SHANK2: variants seen among roughly 807,000 people sequenced by gnomAD.
SHANK2 encodes SH3 and multiple ankyrin repeat domains 2.
In SHANK2, 43 loss-of-function variants were observed where a neutral mutation model predicts 133.7. The observed-to-expected ratio is 0.32, with a 90% CI of 0.25 to 0.41. The LOEUF is 0.41. Among genes scored for constraint, SHANK2 ranks in the 10% least tolerant of loss-of-function variants. SHANK2 has a pLI of 1.00. For missense variants in SHANK2, 1,994 were observed against 2,235.8 expected, an observed-to-expected ratio of 0.89 and a Z score of 2.18; for synonymous variants, 1,017 against 952.8, an observed-to-expected ratio of 1.07 and a Z score of -1.24.
At chr11:70,821,061 T>C (rs1401612715) in intron 11 of SHANK2, among the ~76,000 whole-genome samples, 4 of 152,162 alleles carry the variant, frequency 2.6e-5, no homozygotes, top group Non-Finnish European at 5.9e-5. Flanking sequence ...TGCCGCAAGA[T>C]GCCTCCTCCC....
Position 70,485,414 on chromosome 11 carries a change from A to G in SHANK2, c.4879T>C (p.Leu1627=), listed in dbSNP as rs1555152759. 3 of 1,613,934 alleles carry G rather than the reference A, an allele frequency of 1.9e-6. No individual in the cohort carries two copies. The highest frequency in any genetic ancestry group is 1.7e-5 in the Admixed American group (1 of 60,020). Residue 1627 remains leucine (L), a synonymous_variant, in exon 25 of 26, where the codon TTG becomes CTG. Coordinates refer to ENST00000601538, the MANE Select transcript of SHANK2 (RefSeq NM_012309.5). The surrounding 1 kb of genome is among the most constrained non-coding windows in gnomAD (Gnocchi z 5.8). The part of the protein sequence containing the change: ...SGPKANVISE[L]NSILQQMNRE... ...TTCATTTGCTGTAGGATAGAGTTCA[A>G]TTCACTAATAACGTTTGCCTTTGGG...
At chr11:70,707,893 C>T (rs1945700167) in intron 14 of SHANK2, among the ~76,000 whole-genome samples, 1 of 152,194 alleles carries the variant, frequency 6.6e-6, no homozygotes, top group Non-Finnish European at 1.5e-5. Flanking sequence ...GCCCCAGTTA[C>T]AGAGGGCTGG....
chr11:70,670,498 T>C (rs1394290084), intron 15 of SHANK2, among the ~76,000 whole-genome samples: 2 of 152,176 alleles, frequency 1.3e-5, no homozygotes, highest in African/African-American at 4.8e-5. Flanking sequence ...CAGAGCTGGC[T>C]GCAGGGCAGC....
At chr11:70,938,581 G>A (rs1275876475) in intron 10 of SHANK2, among the ~76,000 whole-genome samples, 2 of 152,178 alleles carry the variant, frequency 1.3e-5, no homozygotes, top group East Asian at 3.9e-4. Flanking sequence ...CCACCTGTAC[G>A]GGTCAATCCT....
Position 70,492,436 on chromosome 11 carries a change from T to G in SHANK2, c.2338A>C (p.Lys780Gln), listed in dbSNP as rs55968949. 2,236 of 1,614,018 alleles carry G rather than the reference T, an allele frequency of 1.4e-3. 2 individuals carry two copies. The highest frequency in any genetic ancestry group is 1.8e-3 in the Non-Finnish European group (2,089 of 1,180,042). ...ATGTTCTCAGCAGCGCGGGAGGGCTTGGAGGCCGGGACTATCTCCTCGGGT... is the reference window on the plus strand; with the variant it reads ...ATGTTCTCAGCAGCGCGGGAGGGCTGGGAGGCCGGGACTATCTCCTCGGGT... ...DKPEEIVPAS[K>Q]PSRAAENMAV... Residue 780 changes from lysine (K) to glutamine (Q), a missense_variant, in exon 22 of 26, where the codon AAG becomes CAG. Lys to Gln is a moderately conservative substitution (Grantham distance 53, BLOSUM62 1). Transcript: ENST00000601538.
intron 9 of SHANK2, among the ~76,000 whole-genome samples, chr11:71,069,351 GCCA>G (rs1258474151): frequency 8.8e-5 from 13 of 148,164 alleles, no homozygotes; most frequent in East Asian, 2.0e-4. Flanking sequence ...CTTCATCATT[GCCA>G]CCACCACCAT....
At chr11:70,651,177 C>G (rs983709517) in intron 17 of SHANK2, among the ~76,000 whole-genome samples, 1 of 152,308 alleles carries the variant, frequency 6.6e-6, no homozygotes, top group South Asian at 2.1e-4. Flanking sequence ...CTGCCATCTG[C>G]CAGTCCCATG....
intron 15 of SHANK2, among the ~76,000 whole-genome samples, chr11:70,696,059 A>G (rs1565248501): frequency 2.0e-5 from 3 of 152,188 alleles, no homozygotes; most frequent in Non-Finnish European, 4.4e-5. Flanking sequence ...CCTTGACTGG[A>G]CACCAAAACA....
At chr11:71,182,170 G>C (rs1184511218) in intron 2 of SHANK2, among the ~76,000 whole-genome samples, 2 of 152,124 alleles carry the variant, frequency 1.3e-5, no homozygotes, top group Admixed American at 6.6e-5. Context: ...CTCCAAACAT[G>C]GTCCTATTCC....
intron 2 of SHANK2, among the ~76,000 whole-genome samples, chr11:71,220,647 G>A (rs1292432137): frequency 6.6e-6 from 1 of 152,140 alleles, no homozygotes; most frequent in Non-Finnish European, 1.5e-5. Flanking sequence ...TGACCCTGGA[G>A]GACATTACGT....
intron 11 of SHANK2, among the ~76,000 whole-genome samples, chr11:70,853,673 T>C (rs764754054): frequency 2.6e-5 from 4 of 152,214 alleles, no homozygotes; most frequent in Non-Finnish European, 2.9e-5. Flanking sequence ...CCCATGTTCC[T>C]GGAGCTGCCG....
At chr11:70,490,114 A>G in intron 23 of SHANK2, 162 bp downstream of exon 23, 1 of 642,180 alleles carries the variant, frequency 1.6e-6, no homozygotes, top group Non-Finnish European at 2.8e-6. Flanking sequence ...CCTAGTGGGC[A>G]AGGCCAGGTT....
At chr11:70,753,180 A>AC (rs1269907678) in intron 14 of SHANK2, among the ~76,000 whole-genome samples, 5 of 151,904 alleles carry the variant, frequency 3.3e-5, no homozygotes, top group South Asian at 2.1e-4. Flanking sequence ...TGTTAAAAAA[A>AC]AAAAAACAAA....
At chr11:70,953,627 C>T (rs1343377951) in intron 10 of SHANK2, among the ~76,000 whole-genome samples, 2 of 152,108 alleles carry the variant, frequency 1.3e-5, no homozygotes, top group African/African-American at 2.4e-5. Context: ...AAGGTCATCC[C>T]ACCTGCATCC....
intron 9 of SHANK2, among the ~76,000 whole-genome samples, chr11:71,072,771 T>C (rs973767140): frequency 2.0e-5 from 3 of 152,230 alleles, no homozygotes; most frequent in East Asian, 1.9e-4. Flanking sequence ...CTCGAAAACA[T>C]TGCACTCAGT....
chr11:70,865,576 G>T (rs1555068862), intron 11 of SHANK2, among the ~76,000 whole-genome samples: 1 of 152,158 alleles, frequency 6.6e-6, no homozygotes, highest in Non-Finnish European at 1.5e-5. Flanking sequence ...ATGGAGGTGT[G>T]CCTCAGGGTG....
intron 14 of SHANK2, among the ~76,000 whole-genome samples, chr11:70,719,947 T>C (rs1325192818): frequency 6.6e-6 from 1 of 151,806 alleles, no homozygotes; most frequent in Non-Finnish European, 1.5e-5. Flanking sequence ...AGGCCAGAAG[T>C]GGGTGAGGGC....
intron 2 of SHANK2, among the ~76,000 whole-genome samples, chr11:71,195,035 T>C (rs1953872563): frequency 6.6e-6 from 1 of 152,218 alleles, no homozygotes; most frequent in Non-Finnish European, 1.5e-5. Flanking sequence ...ACGCGTGTTG[T>C]ATGTAAAATC....
chr11:71,123,814 C>T (rs1303098534), intron 3 of SHANK2, among the ~76,000 whole-genome samples: 1 of 152,180 alleles, frequency 6.6e-6, no homozygotes, highest in East Asian at 1.9e-4. Context: ...TGGCCAACTC[C>T]TCTAAAGGAT....
Sources: allele counts gnomAD v4.1 joint callset (sites outside exome capture counted in the v4.1 genomes callset), GRCh38; gene constraint gnomAD v4.1.1; non-coding constraint Gnocchi (gnomAD v3.1); transcripts MANE v1.5; gene names NCBI Gene and HGNC (gene_info 2026-07-23, HGNC 2026-07-21).